NXPE2: variants seen among roughly 807,000 people sequenced by gnomAD.
NXPE2 encodes the protein NXPE family member 2.
Under a neutral mutation model 34.4 loss-of-function variants are expected in NXPE2, and 34 were observed. The ratio of observed to expected loss-of-function variants is 0.99; its 90% CI spans 0.75 to 1.31. NXPE2 has a LOEUF of 1.31. NXPE2 is among the 40% of genes most tolerant of loss of function. NXPE2 has a pLI of 0.00. For missense variants in NXPE2, 649 were observed against 672.5 expected, an observed-to-expected ratio of 0.97 and a Z score of 0.39; for synonymous variants, 235 against 231.3, an observed-to-expected ratio of 1.02 and a Z score of -0.15.
chr11:114,534,952 GA>G, the NXPE2 span, among the ~76,000 whole-genome samples: 1 of 152,140 alleles, frequency 6.6e-6, no homozygotes, highest in Non-Finnish European at 1.5e-5. Flanking sequence ...TACTCCTAGA[GA>G]AGAGCAACTC....
At chr11:114,533,950 C>T in the NXPE2 span, among the ~76,000 whole-genome samples, 1,422 of 152,312 alleles carry the variant, frequency 9.3e-3, 23 homozygotes, top group African/African-American at 0.031. Context: ...GTTCTCCCAG[C>T]ATGCAGCTTG....
At chr11:114,703,028 T>C (rs929507232) in intron 3 of NXPE2, among the ~76,000 whole-genome samples, 1 of 152,154 alleles carries the variant, frequency 6.6e-6, no homozygotes, top group African/African-American at 2.4e-5. Flanking sequence ...ACCATAGTCA[T>C]TGGGACTGAT....
the NXPE2 span, among the ~76,000 whole-genome samples, chr11:114,614,312 C>T: frequency 1.3e-5 from 2 of 151,266 alleles, no homozygotes; most frequent in Admixed American, 6.6e-5. Flanking sequence ...AGTATTGCCT[C>T]GTAGGTAACC....
the NXPE2 span, among the ~76,000 whole-genome samples, chr11:114,577,474 CA>C: frequency 6.6e-6 from 1 of 152,042 alleles, no homozygotes; most frequent in Admixed American, 6.6e-5. Flanking sequence ...ATGGGTGCAT[CA>C]AAATCTCAGA....
chr11:114,549,931 TAG>T, the NXPE2 span, among the ~76,000 whole-genome samples: 1 of 151,804 alleles, frequency 6.6e-6, no homozygotes, highest in African/African-American at 2.4e-5. Context: ...AGACAAAAAA[TAG>T]AGAGAAGCTA....
chr11:114,758,277 A>G, the NXPE2 span, among the ~76,000 whole-genome samples: 1 of 152,328 alleles, frequency 6.6e-6, no homozygotes, highest in South Asian at 2.1e-4. Flanking sequence ...AGGAGGGACA[A>G]TGGAGTGGAA....
At chr11:114,601,798 G>GTA in the NXPE2 span, among the ~76,000 whole-genome samples, 1 of 56,084 alleles carries the variant, frequency 1.8e-5, no homozygotes, top group African/African-American at 9.6e-5. Flanking sequence ...TGTGATATAT[G>GTA]ATTATATATT....
chr11:114,602,141 C>A, the NXPE2 span, among the ~76,000 whole-genome samples: 1 of 99,444 alleles, frequency 1.0e-5, no homozygotes, highest in African/African-American at 4.2e-5. Flanking sequence ...ATAACATATA[C>A]TATATATAAT....
chr11:114,813,530 T>A, the NXPE2 span, among the ~76,000 whole-genome samples: 1 of 152,338 alleles, frequency 6.6e-6, no homozygotes, highest in South Asian at 2.1e-4. Context: ...CATCTGTGCA[T>A]GTTCATTTAT....
the NXPE2 span, among the ~76,000 whole-genome samples, chr11:114,493,430 G>A: frequency 6.6e-6 from 1 of 152,130 alleles, no homozygotes; most frequent in African/African-American, 2.4e-5. Context: ...TAGTGAAGGT[G>A]ATTTTCTCAG....
At chr11:114,614,123 G>A in the NXPE2 span, among the ~76,000 whole-genome samples, 1 of 151,808 alleles carries the variant, frequency 6.6e-6, no homozygotes, top group Admixed American at 6.6e-5. Flanking sequence ...GGTAACCAGT[G>A]TTACCTGCTG....
chr11:114,799,495 A>G, the NXPE2 span, among the ~76,000 whole-genome samples: 9 of 152,176 alleles, frequency 5.9e-5, no homozygotes, highest in Non-Finnish European at 2.9e-5. Context: ...GACCATTATA[A>G]GCCAGTGGGC....
chr11:114,601,999 C>G, the NXPE2 span, among the ~76,000 whole-genome samples: 1 of 75,162 alleles, frequency 1.3e-5, no homozygotes, highest in Non-Finnish European at 2.3e-5. Context: ...TATAATGTAT[C>G]TAATGTATTA....
the NXPE2 span, among the ~76,000 whole-genome samples, chr11:114,599,695 G>T: frequency 2.0e-5 from 3 of 152,136 alleles, no homozygotes; most frequent in Non-Finnish European, 1.5e-5. Flanking sequence ...CAGAGCAGGA[G>T]CATGAGTTTG....
At chr11:114,797,204 T>C in the NXPE2 span, among the ~76,000 whole-genome samples, 2 of 152,334 alleles carry the variant, frequency 1.3e-5, no homozygotes, top group East Asian at 3.9e-4. Flanking sequence ...GGGAGCTGGA[T>C]AATGTCACAT....
chr11:114,604,206 C>T, the NXPE2 span, among the ~76,000 whole-genome samples: 1 of 152,022 alleles, frequency 6.6e-6, no homozygotes, highest in Non-Finnish European at 1.5e-5. Context: ...ATAAGTATTG[C>T]CTTGTGGGTA....
the NXPE2 span, among the ~76,000 whole-genome samples, chr11:114,604,322 A>G: frequency 6.6e-6 from 1 of 151,970 alleles, no homozygotes; most frequent in African/African-American, 2.4e-5. Flanking sequence ...CCTGTGGAAA[A>G]TAAGTGTTGC....
the NXPE2 span, among the ~76,000 whole-genome samples, chr11:114,794,851 GC>G: frequency 6.4e-5 from 8 of 125,496 alleles, no homozygotes; most frequent in East Asian, 4.7e-4. Flanking sequence ...TTGCACCCCC[GC>G]CCCCCCCAAC....
chr11:114,686,797 T>G (rs1383975485), intron 2 of NXPE2, among the ~76,000 whole-genome samples: 2 of 152,324 alleles, frequency 1.3e-5, no homozygotes, highest in Non-Finnish European at 1.5e-5. Context: ...TTTGACTGTT[T>G]AATAGTAGCC....
Sources: allele counts gnomAD v4.1 joint callset (sites outside exome capture counted in the v4.1 genomes callset), GRCh38; gene constraint gnomAD v4.1.1; transcripts MANE v1.5; gene names NCBI Gene and HGNC (gene_info 2026-07-23, HGNC 2026-07-21).